The following TOP3A variants were observed in gnomAD, a reference collection of about 807,000 sequenced individuals.
TOP3A encodes the protein DNA topoisomerase III alpha.
Under a neutral mutation model 111.3 loss-of-function variants are expected in TOP3A, and 64 were observed. The observed-to-expected ratio is 0.57, with a 90% CI of 0.47 to 0.71. The LOEUF is 0.71. TOP3A is among the 30% of genes least tolerant of loss of function. The pLI is 0.00. For missense variants in TOP3A, 1,104 were observed against 1,285.0 expected, an observed-to-expected ratio of 0.86 and a Z score of 2.15; for synonymous variants, 484 against 485.1, an observed-to-expected ratio of 1.00 and a Z score of 0.03.
At chr17:18,313,629 G>A (rs1461705836) in intron 1 of TOP3A, 3 of 151,182 alleles carry the variant, frequency 2.0e-5, no homozygotes, top group Non-Finnish European at 2.9e-5. Context: ...AGCCTTGAAG[G>A]ATAAGAAGTT....
chr17:18,291,178 T>G lies in TOP3A; in HGVS notation c.1282-151A>C, dbSNP rs186174185. On this transcript the variant is annotated intron_variant, in intron 11 of 18. Transcript: ENST00000321105. ...TAACATGGAGTGCCAGGCAAACAAG[T>G]CCTGGGGAGAGGATGGGTTTAGGTT... 1,449 of 760,484 alleles carry G rather than the reference T, an allele frequency of 1.9e-3. 21 individuals carry two copies. The highest frequency in any genetic ancestry group is 0.015 in the South Asian group (773 of 51,898). 47.1% of individuals were successfully genotyped at this position (760,484 alleles called of 1,614,324 possible). A position where few individuals can be genotyped will look rare whatever the true frequency, so the allele number is the denominator to read the frequency against.
intron 18 of TOP3A, 96 bp downstream of exon 18, chr17:18,277,579 C>A: frequency 6.9e-7 from 1 of 1,440,334 alleles, no homozygotes; most frequent in Non-Finnish European, 9.4e-7. Flanking sequence ...CCAATCCCAC[C>A]ATGACCCTGC....
chr17:18,296,498 T>G (rs770449367), intron 9 of TOP3A, among the ~76,000 whole-genome samples: 9 of 152,158 alleles, frequency 5.9e-5, no homozygotes, highest in Non-Finnish European at 1.2e-4. Context: ...GAGACTCGCT[T>G]GAGCCCGGGA....
chr17:18,283,630 A>G (rs994310527), intron 15 of TOP3A, among the ~76,000 whole-genome samples: 2 of 152,158 alleles, frequency 1.3e-5, no homozygotes, highest in African/African-American at 4.8e-5. Flanking sequence ...CAATTCTGAC[A>G]CTATGCACCT....
chr17:18,286,217 A>G (rs1980088492), intron 13 of TOP3A, among the ~76,000 whole-genome samples: 1 of 149,996 alleles, frequency 6.7e-6, no homozygotes. Flanking sequence ...AAAGAAAAAA[A>G]AAAGGGCTGG....
At chr17:18,297,677 G>A (rs951050243) in intron 9 of TOP3A, among the ~76,000 whole-genome samples, 5 of 152,006 alleles carry the variant, frequency 3.3e-5, no homozygotes, top group South Asian at 2.1e-4. Flanking sequence ...CGCCAGCCTC[G>A]GCATCCTGAG....
intron 11 of TOP3A, among the ~76,000 whole-genome samples, chr17:18,292,236 C>T (rs2142965908): frequency 6.6e-6 from 1 of 152,342 alleles, no homozygotes; most frequent in African/African-American, 2.4e-5. Context: ...GTGTGGGAAA[C>T]TGCAGTGACA....
At chr17:18,275,732 C>A (rs997912221) in intron 18 of TOP3A, among the ~76,000 whole-genome samples, 2 of 149,934 alleles carry the variant, frequency 1.3e-5, no homozygotes, top group African/African-American at 4.9e-5. Context: ...TGGCTCACTG[C>A]AAGCTCCGCC....
chr17:18,306,140 G>A (rs1362777405), intron 4 of TOP3A, among the ~76,000 whole-genome samples: 1 of 152,184 alleles, frequency 6.6e-6, no homozygotes, highest in Non-Finnish European at 1.5e-5. Flanking sequence ...GGCAGAGGTT[G>A]CAGTGAGCTG....
rs1375209559 is a variant in TOP3A at position 18,302,212 on chromosome 17, C to T, written c.814+52G>A. 4.5e-6 allele frequency: 7 copies of T among 1,552,910 alleles called. No individual in the cohort carries two copies. In the South Asian group the frequency reaches 6.1e-5, roughly 14 times the overall value. ...GCTATTAATGCTCACAGTCCCCCTCCTTAACCTTGAGCCCATAGGTCCCAG... is the reference window on the plus strand; with the variant it reads ...GCTATTAATGCTCACAGTCCCCCTCTTTAACCTTGAGCCCATAGGTCCCAG... On this transcript the variant is annotated intron_variant, in intron 7 of 18. Coordinates refer to ENST00000321105, the MANE Select transcript of TOP3A (RefSeq NM_004618.5).
In TOP3A at chr17:18,314,731, G is replaced by C. The variant is rs755649782; in HGVS notation, c.48C>G (p.Pro16=). ...CGGCGCGGGAAAAGGCACGGTCTTC[G>C]GGCCGTCGCAGCCACCGGAGCGCGT... ...ARYALRWLRR[P]EDRAFSRAAM... The change falls in exon 1 of 19, where the codon CCC becomes CCG. Residue 16 remains proline (P), a synonymous_variant. Coordinates refer to ENST00000321105, the MANE Select transcript of TOP3A (RefSeq NM_004618.5). The C allele has an allele frequency of 2.9e-5, 46 of 1,586,148 alleles. No individual in the cohort carries two copies. The highest frequency in any genetic ancestry group is 3.9e-5 in the Non-Finnish European group (46 of 1,166,902).
rs560407689 is a variant in TOP3A at position 18,308,581 on chromosome 17, C to T, written c.241-157G>A. On this transcript the variant is annotated intron_variant, in intron 2 of 18. Transcript: ENST00000321105. ...ATATAAGCTCTTCAAAGCCAAAAGT[C>T]ACAGGAATACAATCACCATTCTAAT... 13 of 547,950 alleles carry T rather than the reference C, an allele frequency of 2.4e-5. 2 individuals carry two copies. In the South Asian group the frequency reaches 3.7e-4, roughly 15 times the overall value. The allele number at this position is 547,950 out of a possible 1,614,324, so 33.9% of individuals were successfully genotyped here.
chr17:18,274,734 G>A lies in TOP3A; in HGVS notation c.*68C>T, dbSNP rs1033932300. 3 of 1,553,936 alleles carry A rather than the reference G, an allele frequency of 1.9e-6. No individual in the cohort carries two copies. The African/African-American group carries it at 4.1e-5, about 21-fold the overall frequency. Reference sequence around the variant, plus strand: ...GGACACTAAATGGCCACTTGGTCCTGGTTAACTCATTTCTAAACACAAAGG... The same window carrying A: ...GGACACTAAATGGCCACTTGGTCCTAGTTAACTCATTTCTAAACACAAAGG... On this transcript the variant is annotated 3_prime_UTR_variant, in exon 19 of 19. Transcript: ENST00000321105.
At chr17:18,294,931 A>C (rs113795470) in intron 9 of TOP3A, 146 bp from the exon 10 acceptor site, 2 of 617,768 alleles carry the variant, frequency 3.2e-6, no homozygotes, top group East Asian at 5.6e-5. Flanking sequence ...CCCAACAACG[A>C]TTTCTGGGCC....
chr17:18,314,634 TCC>T lies in TOP3A; in HGVS notation c.143_144del (p.Gly48AspfsTer24). ...CGACCGTTTGACAGCAGGTCGGCGA[TCC>T]CCTTGGCCGCGTCGTTTTTTTCGGC... ...CVAEKNDAAKGIADLLSNGRM... is the reference protein window; with the variant it reads ...CVAEKNDAAKXIADLLSNGRM... On this transcript the variant is annotated frameshift_variant, in exon 1 of 19. Transcript: ENST00000321105. LOFTEE classifies it high-confidence loss of function. The T allele has an allele frequency of 6.2e-7, 1 of 1,612,272 alleles. No individual in the cohort carries two copies. Among genetic ancestry groups the T allele is most frequent in the South Asian group, 1.1e-5 (1 of 90,728 alleles).
chr17:18,300,574 G>A (rs1981166585), intron 8 of TOP3A, among the ~76,000 whole-genome samples: 1 of 149,504 alleles, frequency 6.7e-6, no homozygotes, highest in Non-Finnish European at 1.5e-5. Context: ...TTTTTTTTTT[G>A]AGGCAGTATC....
intron 9 of TOP3A, among the ~76,000 whole-genome samples, chr17:18,298,691 T>C (rs1981026217): frequency 6.6e-6 from 1 of 151,776 alleles, no homozygotes; most frequent in African/African-American, 2.4e-5. Flanking sequence ...GGGAGACTTT[T>C]CATTTTGTTC....
chr17:18,300,136 G>A (rs1406308355), intron 8 of TOP3A, among the ~76,000 whole-genome samples: 1 of 152,044 alleles, frequency 6.6e-6, no homozygotes, highest in East Asian at 1.9e-4. Flanking sequence ...AGTGGCTCAC[G>A]CCTGTAATCC....
intron 7 of TOP3A, 134 bp from the exon 8 acceptor site, chr17:18,302,119 C>CT (rs2142983407): frequency 7.3e-7 from 1 of 1,376,710 alleles, no homozygotes. Context: ...ACAAAGGGAA[C>CT]TTTAAGTGGA....
Sources: allele counts gnomAD v4.1 joint callset (sites outside exome capture counted in the v4.1 genomes callset), GRCh38; gene constraint gnomAD v4.1.1; transcripts MANE v1.5; gene names NCBI Gene and HGNC (gene_info 2026-07-23, HGNC 2026-07-21).